Variants in FMN2 observed in about 807,000 individuals in gnomAD.
The protein encoded by FMN2 is formin 2, also known as formin-2.
FMN2 carries 51 observed loss-of-function variants against 142.3 expected under a neutral mutation model. That is an observed-to-expected ratio of 0.36 (90% CI 0.29 to 0.45). FMN2 has a LOEUF of 0.45. Ranked by LOEUF, FMN2 falls within the 20% of genes least tolerant of loss-of-function variation. The pLI is 1.00. For missense variants in FMN2, 1,936 were observed against 2,122.8 expected, an observed-to-expected ratio of 0.91 and a Z score of 1.73; for synonymous variants, 882 against 869.8, an observed-to-expected ratio of 1.01 and a Z score of -0.25.
At chr1:240,391,286 T>C (rs183394080) in intron 14 of FMN2, among the ~76,000 whole-genome samples, 2 of 152,176 alleles carry the variant, frequency 1.3e-5, no homozygotes, top group African/African-American at 4.8e-5. Flanking sequence ...GGGTTATGAC[T>C]TTGCAGATAC....
chr1:240,397,656 G>A (rs1673824583), intron 15 of FMN2, among the ~76,000 whole-genome samples: 1 of 151,896 alleles, frequency 6.6e-6, no homozygotes, highest in Non-Finnish European at 1.5e-5. Context: ...CAGGCGTGGT[G>A]GTAGGGGCCT....
At chr1:240,361,182 T>TATATATAA (rs1672468262) in intron 14 of FMN2, among the ~76,000 whole-genome samples, 6 of 103,482 alleles carry the variant, frequency 5.8e-5, no homozygotes, top group Non-Finnish European at 1.1e-4. Flanking sequence ...TATATATATA[T>TATATATAA]ATAAAAGAGT....
Position 240,207,160 on chromosome 1 carries a change from C to T in FMN2, c.2348C>T (p.Ser783Leu). Residue 783 changes from serine to leucine, a missense_variant, in exon 5 of 18, where the codon TCA (serine) becomes TTA (leucine). Transcript: ENST00000319653. Reference sequence around the variant, plus strand: ...AGTGGACCTCAGACAAAGTTCTGTTCAGAGATTTCTTTGATTGTGTCTCCA... The same window carrying T: ...AGTGGACCTCAGACAAAGTTCTGTTTAGAGATTTCTTTGATTGTGTCTCCA... Reference protein sequence around the residue: ...AESGPQTKFCSEISLIVSPRR... With the variant: ...AESGPQTKFCLEISLIVSPRR... 1 of 1,614,070 alleles carries T rather than the reference C, an allele frequency of 6.2e-7. No homozygotes were observed. Among genetic ancestry groups the T allele is most frequent in the Non-Finnish European group, 8.5e-7 (1 of 1,179,986 alleles).
chr1:240,108,991 C>T (rs1390167797), intron 1 of FMN2, among the ~76,000 whole-genome samples: 2 of 152,080 alleles, frequency 1.3e-5, no homozygotes, highest in African/African-American at 4.8e-5. Context: ...AGCCGAGATC[C>T]TGCCATTGCA....
intron 1 of FMN2, among the ~76,000 whole-genome samples, chr1:240,111,082 G>A (rs1049658281): frequency 2.0e-5 from 3 of 151,976 alleles, no homozygotes; most frequent in African/African-American, 2.4e-5. Flanking sequence ...ATAATAACAG[G>A]TAACATTTAT....
rs1376358588 is a variant in FMN2 at position 240,171,349 on chromosome 1, C to A, written c.1783-6572C>A. 3 of 620,132 alleles carry A rather than the reference C, an allele frequency of 4.8e-6. No individual in the cohort carries two copies. The African/African-American group carries it at 5.5e-5, about 11-fold the overall frequency. The allele number at this position is 620,132 out of a possible 1,614,324, so 38.4% of individuals were successfully genotyped here. A position where few individuals can be genotyped will look rare whatever the true frequency, so the allele number is the denominator to read the frequency against. ...TCGTGATGTGATGGGAGCAGCCTAA[C>A]AGGCAGAGAGAAGCGCCTCCTAGAC... On this transcript the variant is annotated intron_variant, in intron 2 of 17. Coordinates refer to ENST00000319653, the MANE Select transcript of FMN2 (RefSeq NM_020066.5).
intron 6 of FMN2, among the ~76,000 whole-genome samples, chr1:240,218,650 C>T (rs369985575): frequency 2.6e-5 from 4 of 152,044 alleles, no homozygotes; most frequent in Non-Finnish European, 4.4e-5. Flanking sequence ...GCCACTATTG[C>T]GGAGAGCCCT....
intron 3 of FMN2, chr1:240,180,318 T>C (rs1458613143): frequency 4.9e-6 from 2 of 406,998 alleles, no homozygotes; most frequent in African/African-American, 4.3e-5. Flanking sequence ...GACGTAAATT[T>C]GGAGAGACAC....
intron 2 of FMN2, chr1:240,143,158 G>T (rs116305109): frequency 1.3e-6 from 2 of 1,576,962 alleles, no homozygotes; most frequent in South Asian, 2.2e-5. Context: ...GCTAACTGGC[G>T]CAACATTGCA....
At chr1:240,124,760 C>T (rs148420245) in intron 2 of FMN2, among the ~76,000 whole-genome samples, 1,644 of 152,176 alleles carry the variant, frequency 0.011, 23 homozygotes, top group African/African-American at 0.037. Context: ...CTCCACCTCC[C>T]GAGTTCAAGC....
In FMN2 at chr1:240,302,089, G is replaced by A. The variant is rs137863224; in HGVS notation, c.4215+7206G>A. 6.4e-3 allele frequency among the ~76,000 whole-genome samples: 971 copies of A among 151,706 alleles called. 12 individuals are homozygous for A. The highest frequency in any genetic ancestry group is 0.022 in the African/African-American group (921 of 41,378). The stretch of plus-strand genomic sequence containing the variant: ...TTTTTTTCTTTCTGTTCATCATATT[G>A]TGTACTTTCACTGATTCTTTCTTTT... On this transcript the variant is annotated intron_variant, in intron 8 of 17. Transcript: ENST00000319653.
rs114737592 is a variant in FMN2 at position 240,383,012 on chromosome 1, A to G, written c.4859-9499A>G. 6.1e-3 allele frequency among the ~76,000 whole-genome samples: 929 copies of G among 152,310 alleles called. 11 individuals carry two copies. The highest frequency in any genetic ancestry group is 0.021 in the African/African-American group (889 of 41,570). On this transcript the variant is annotated intron_variant, in intron 14 of 17. Coordinates refer to ENST00000319653, the MANE Select transcript of FMN2 (RefSeq NM_020066.5). ...AAGCTGACAGAAATAAACAATGAGT[A>G]AAGGACACTGTATTCAATAAATGGT...
intron 2 of FMN2, among the ~76,000 whole-genome samples, chr1:240,172,291 A>G (rs892683051): frequency 2.0e-5 from 3 of 152,188 alleles, no homozygotes; most frequent in Non-Finnish European, 4.4e-5. Flanking sequence ...CTGGTTGACA[A>G]ACAGCACAAA....
At chr1:240,240,180 G>A (rs1667844715) in intron 6 of FMN2, among the ~76,000 whole-genome samples, 1 of 152,164 alleles carries the variant, frequency 6.6e-6, no homozygotes, top group Admixed American at 6.5e-5. Flanking sequence ...CCATATGGCT[G>A]AGGGGTAGTG....
chr1:240,208,572 T>C lies in FMN2; in HGVS notation c.3760T>C (p.Leu1254=). The C allele has an allele frequency of 6.2e-7, 1 of 1,613,620 alleles. No individual in the cohort carries two copies. The highest frequency in any genetic ancestry group is 8.5e-7 in the Non-Finnish European group (1 of 1,179,956). ...PLLPQVGSST[L]PTPQVCGFLP... ...CCTCCCACAAGTTGGGAGTAGCACT[T>C]TACCAACCCCACAGGTGTGTGGATT... Residue 1254 remains leucine (L), a synonymous_variant, in exon 5 of 18, where the codon TTA becomes CTA. Coordinates refer to ENST00000319653, the MANE Select transcript of FMN2 (RefSeq NM_020066.5).
chr1:240,261,740 G>A (rs750215423), intron 7 of FMN2, among the ~76,000 whole-genome samples: 1 of 152,154 alleles, frequency 6.6e-6, no homozygotes, highest in Non-Finnish European at 1.5e-5. Flanking sequence ...TTATTAATGC[G>A]GCAAATATAA....
intron 1 of FMN2, among the ~76,000 whole-genome samples, chr1:240,115,801 A>G (rs532814199): frequency 5.9e-5 from 9 of 152,296 alleles, no homozygotes; most frequent in Non-Finnish European, 1.0e-4. Flanking sequence ...AGAAAGTAAA[A>G]GAATAAAAGG....
At chr1:240,380,165 A>T (rs1673178315) in intron 14 of FMN2, among the ~76,000 whole-genome samples, 1 of 152,202 alleles carries the variant, frequency 6.6e-6, no homozygotes, top group East Asian at 1.9e-4. Context: ...TCTACTTCAC[A>T]TCAACAGAAC....
chr1:240,165,807 C>A (rs902498978), intron 2 of FMN2, among the ~76,000 whole-genome samples: 3 of 152,016 alleles, frequency 2.0e-5, no homozygotes, highest in Admixed American at 6.5e-5. Context: ...AAATGTTCGA[C>A]CTGCCTTCTT....
Sources: allele counts gnomAD v4.1 joint callset (sites outside exome capture counted in the v4.1 genomes callset), GRCh38; gene constraint gnomAD v4.1.1; transcripts MANE v1.5; gene names NCBI Gene and HGNC (gene_info 2026-07-23, HGNC 2026-07-21).